The following MIPEP variants were observed in gnomAD, a reference collection of about 807,000 sequenced individuals.
The protein encoded by MIPEP is mitochondrial intermediate peptidase.
A neutral mutation model predicts 90.3 loss-of-function variants in MIPEP; 79 were observed. The ratio of observed to expected loss-of-function variants is 0.87; its 90% CI spans 0.73 to 1.05. MIPEP has a LOEUF of 1.05. Among genes scored for constraint, MIPEP ranks in the 50% least tolerant of loss-of-function variants. MIPEP has a pLI of 0.00. For missense variants in MIPEP, 940 were observed against 905.6 expected (o/e 1.04, Z -0.49); for synonymous variants, 334 against 315.8 (o/e 1.06, Z -0.61).
chr13:23,749,669 G>A (rs959705577), intron 18 of MIPEP, among the ~76,000 whole-genome samples: 1 of 152,128 alleles, frequency 6.6e-6, no homozygotes, highest in Non-Finnish European at 1.5e-5. Flanking sequence ...AGGGCTTCTT[G>A]ATTTCTGTCC....
chr13:23,821,764 T>C (rs1953307895), intron 14 of MIPEP, among the ~76,000 whole-genome samples: 1 of 152,216 alleles, frequency 6.6e-6, no homozygotes, highest in Non-Finnish European at 1.5e-5. Context: ...TATCCTCTTA[T>C]ATACTTTAAA....
intron 1 of MIPEP, among the ~76,000 whole-genome samples, chr13:23,888,419 C>A (rs947143220): frequency 1.3e-5 from 2 of 152,028 alleles, no homozygotes; most frequent in Non-Finnish European, 2.9e-5. Context: ...TAATCCTTAA[C>A]CTAAAACGGA....
intron 16 of MIPEP, among the ~76,000 whole-genome samples, chr13:23,773,426 C>G (rs1368317475): frequency 6.6e-6 from 1 of 152,110 alleles, no homozygotes; most frequent in Non-Finnish European, 1.5e-5. Context: ...TTTGTGCATA[C>G]ATTTTTGGGT....
chr13:23,840,237 G>A (rs918469121), intron 11 of MIPEP, among the ~76,000 whole-genome samples: 2 of 152,140 alleles, frequency 1.3e-5, no homozygotes, highest in African/African-American at 4.8e-5. Flanking sequence ...TCTCCATCTT[G>A]CCTTCTTTGT....
At chr13:23,756,644 A>C (rs1593135802) in intron 17 of MIPEP, 26 bp from the exon 18 acceptor site, 1 of 1,605,374 alleles carries the variant, frequency 6.2e-7, no homozygotes, top group Non-Finnish European at 8.5e-7. Context: ...TCTGTTACAG[A>C]CTCCTGCTTG....
At chr13:23,774,667 G>A (rs1329170050) in intron 16 of MIPEP, among the ~76,000 whole-genome samples, 3 of 151,450 alleles carry the variant, frequency 2.0e-5, no homozygotes, top group African/African-American at 7.3e-5. Flanking sequence ...AGATGCTATT[G>A]TAAATAGAAC....
intron 16 of MIPEP, among the ~76,000 whole-genome samples, chr13:23,801,216 T>C (rs1329845582): frequency 6.6e-6 from 1 of 152,218 alleles, no homozygotes; most frequent in African/African-American, 2.4e-5. Context: ...TCATCTTCTA[T>C]CCGATATGGA....
intron 7 of MIPEP, among the ~76,000 whole-genome samples, chr13:23,866,424 A>G (rs1251026771): frequency 6.6e-6 from 1 of 152,144 alleles, no homozygotes; most frequent in Non-Finnish European, 1.5e-5. Flanking sequence ...CACAAGGGTG[A>G]CCTGCCAGTC....
intron 14 of MIPEP, among the ~76,000 whole-genome samples, chr13:23,827,293 A>G (rs1397466550): frequency 6.6e-6 from 1 of 152,258 alleles, no homozygotes; most frequent in Non-Finnish European, 1.5e-5. Context: ...AAAGAATGCT[A>G]TAAGTAACTT....
intron 7 of MIPEP, among the ~76,000 whole-genome samples, chr13:23,867,343 A>G (rs1162173626): frequency 6.6e-6 from 1 of 151,588 alleles, no homozygotes; most frequent in Non-Finnish European, 1.5e-5. Context: ...TCTGCGTGAA[A>G]CCTTTCTCCC....
At chr13:23,778,486 C>A (rs1952741115) in intron 16 of MIPEP, among the ~76,000 whole-genome samples, 1 of 152,102 alleles carries the variant, frequency 6.6e-6, no homozygotes, top group Non-Finnish European at 1.5e-5. Context: ...ATGGGGACCC[C>A]TGGTGGCCTG....
At chr13:23,882,559 T>C (rs1871313142) in intron 2 of MIPEP, among the ~76,000 whole-genome samples, 1 of 152,206 alleles carries the variant, frequency 6.6e-6, no homozygotes, top group South Asian at 2.1e-4. Flanking sequence ...GACATTAAAA[T>C]GAGTGACAGT....
At chr13:23,800,931 G>T (rs1016884778) in intron 16 of MIPEP, among the ~76,000 whole-genome samples, 2 of 152,186 alleles carry the variant, frequency 1.3e-5, no homozygotes, top group Non-Finnish European at 1.5e-5. Context: ...TAACTAGTGC[G>T]ACACTTTATT....
At chr13:23,852,526 T>C (rs1036239177) in intron 10 of MIPEP, among the ~76,000 whole-genome samples, 5 of 152,180 alleles carry the variant, frequency 3.3e-5, no homozygotes, top group South Asian at 4.1e-4. Context: ...CCTAGTAACA[T>C]TGTAGCTGTC....
intron 10 of MIPEP, among the ~76,000 whole-genome samples, chr13:23,844,004 G>C (rs1211299764): frequency 1.3e-5 from 2 of 152,146 alleles, no homozygotes; most frequent in African/African-American, 4.8e-5. Flanking sequence ...TGCAATGATG[G>C]GAGGAGGATG....
intron 3 of MIPEP, among the ~76,000 whole-genome samples, chr13:23,880,696 G>T (rs1436021531): frequency 6.6e-6 from 1 of 152,324 alleles, no homozygotes; most frequent in Non-Finnish European, 1.5e-5. Flanking sequence ...GCAGGGCCCC[G>T]TTCTGTCCCA....
chr13:23,854,360 AT>A (rs1389143972), intron 10 of MIPEP, among the ~76,000 whole-genome samples: 3 of 151,998 alleles, frequency 2.0e-5, no homozygotes, highest in Admixed American at 6.6e-5. Context: ...AGTTTTCATA[AT>A]AAAGGTTAAT....
At chr13:23,779,321 A>G (rs1952751683) in intron 16 of MIPEP, among the ~76,000 whole-genome samples, 3 of 152,244 alleles carry the variant, frequency 2.0e-5, no homozygotes, top group Admixed American at 2.0e-4. Context: ...GTATGTTTTC[A>G]TTAGAATTTC....
intron 2 of MIPEP, among the ~76,000 whole-genome samples, chr13:23,884,264 C>T (rs2137541078): frequency 6.6e-6 from 1 of 151,896 alleles, no homozygotes; most frequent in South Asian, 2.1e-4. Context: ...GTGGATGGAA[C>T]AGCTTTGTAT....
Sources: gnomAD v4.1 joint callset for allele counts (sites outside exome capture counted in the v4.1 genomes callset) on GRCh38, gnomAD v4.1.1 for gene constraint, MANE v1.5 for transcripts, NCBI Gene and HGNC (gene_info 2026-07-23, HGNC 2026-07-21) for gene names.